NTF3: variants seen among roughly 807,000 people sequenced by gnomAD.
NTF3 encodes the protein neurotrophin-3.
In NTF3, 8 loss-of-function variants were observed where a neutral mutation model predicts 26.3. The ratio of observed to expected loss-of-function variants is 0.30; its 90% CI spans 0.18 to 0.55. The LOEUF is 0.55. Among genes scored for constraint, NTF3 ranks in the 20% least tolerant of loss-of-function variants. NTF3 has a pLI of 0.93. For missense variants in NTF3, 276 were observed against 352.9 expected (o/e 0.78, Z 1.75); for synonymous variants, 154 against 145.5 (o/e 1.06, Z -0.42).
At chr12:5,468,784 C>G (rs76921257) in intron 1 of NTF3, among the ~76,000 whole-genome samples, 2,021 of 152,248 alleles carry the variant, frequency 0.013, 25 homozygotes, top group South Asian at 0.042. Context: ...CCAAGTGGGT[C>G]ATCAACACTC....
intron 1 of NTF3, among the ~76,000 whole-genome samples, chr12:5,493,202 C>G (rs1447046468): frequency 6.6e-6 from 1 of 152,164 alleles, no homozygotes; most frequent in Non-Finnish European, 1.5e-5. Flanking sequence ...TTGAGATCAG[C>G]ACTGTAATTC....
intron 1 of NTF3, among the ~76,000 whole-genome samples, chr12:5,444,087 A>G (rs765362667): frequency 7.9e-5 from 12 of 152,126 alleles, no homozygotes; most frequent in Non-Finnish European, 1.5e-4. Flanking sequence ...TTCCATGTTT[A>G]CATCTTCTTT....
chr12:5,438,528 A>T (rs1002281157), intron 1 of NTF3, among the ~76,000 whole-genome samples: 9 of 152,224 alleles, frequency 5.9e-5, no homozygotes. Flanking sequence ...CTTTTTAGTA[A>T]CATCTCCAGA....
chr12:5,478,058 G>C (rs894500981), intron 1 of NTF3, among the ~76,000 whole-genome samples: 4 of 152,174 alleles, frequency 2.6e-5, no homozygotes, highest in Admixed American at 6.5e-5. Context: ...ACATTTAAAG[G>C]TTTACTGTGC....
intron 1 of NTF3, among the ~76,000 whole-genome samples, chr12:5,468,314 C>T (rs1389138804): frequency 6.6e-6 from 1 of 152,192 alleles, no homozygotes; most frequent in African/African-American, 2.4e-5. Flanking sequence ...TCCTCCAAAT[C>T]AGTATCTTAA....
At chr12:5,474,689 A>G (rs1461327199) in intron 1 of NTF3, among the ~76,000 whole-genome samples, 1 of 152,180 alleles carries the variant, frequency 6.6e-6, no homozygotes, top group Non-Finnish European at 1.5e-5. Context: ...AATGATAGGG[A>G]AGGCTGGGAG....
At chr12:5,482,313 G>A (rs2121237840) in intron 1 of NTF3, among the ~76,000 whole-genome samples, 1 of 152,356 alleles carries the variant, frequency 6.6e-6, no homozygotes, top group African/African-American at 2.4e-5. Flanking sequence ...GGTGGCCAGT[G>A]TGATCACGGC....
In NTF3 at chr12:5,490,904, G is replaced by A. The variant is rs141206443; in HGVS notation, c.19-3290G>A. Among the ~76,000 whole-genome samples, 1,197 of 152,324 alleles carry A rather than the reference G, an allele frequency of 7.9e-3. 8 individuals are homozygous for A. Among genetic ancestry groups the A allele is most frequent in the Non-Finnish European group, 0.014 (926 of 68,030 alleles). On this transcript the variant is annotated intron_variant, in intron 1 of 1. Transcript: ENST00000423158. ...TCTCCAGACTCTGGGTCCCTCGCCC[G>A]TGTGCGTCAAGGGCAGGTGTGCACC... is the stretch of plus-strand genomic sequence containing the variant.
At chr12:5,489,694 T>C (rs1163717804) in intron 1 of NTF3, among the ~76,000 whole-genome samples, 6 of 152,172 alleles carry the variant, frequency 3.9e-5, no homozygotes, top group African/African-American at 1.4e-4. Flanking sequence ...TGCTCCTGTG[T>C]AGGGAAGCTG....
chr12:5,458,566 G>A (rs1940483916), intron 1 of NTF3, among the ~76,000 whole-genome samples: 1 of 152,162 alleles, frequency 6.6e-6, no homozygotes, highest in South Asian at 2.1e-4. Context: ...GAAAACAGAA[G>A]GTGTTTGCCT....
At chr12:5,479,498 A>C (rs1940762086) in intron 1 of NTF3, among the ~76,000 whole-genome samples, 1 of 152,204 alleles carries the variant, frequency 6.6e-6, no homozygotes, top group Non-Finnish European at 1.5e-5. Context: ...CATGTGGTCC[A>C]CCCTGCTGGG....
chr12:5,432,220 C>A lies in NTF3; in HGVS notation c.-105C>A. 7.7e-7 allele frequency: 1 copy of A among 1,291,212 alleles called. No homozygotes were observed. Among genetic ancestry groups the A allele is most frequent in the Non-Finnish European group, 1.1e-6 (1 of 887,930 alleles). 80.0% of individuals were successfully genotyped at this position (1,291,212 alleles called of 1,614,324 possible). ...TTTCTTTCTTCCTCTCCTTTTTCCC[C>A]TGCTGGGTAGTGGCTGCGGCGGGGT... is the stretch of plus-strand genomic sequence containing the variant. On this transcript the variant is annotated 5_prime_UTR_variant, in exon 1 of 2. In the 5' UTR this introduces an upstream ATG that the reference lacks. Coordinates refer to ENST00000423158, the MANE Select transcript of NTF3 (RefSeq NM_001102654.2).
chr12:5,440,693 C>T (rs1330903424), intron 1 of NTF3, among the ~76,000 whole-genome samples: 2 of 152,202 alleles, frequency 1.3e-5, no homozygotes, highest in African/African-American at 4.8e-5. Flanking sequence ...AGCTGTGTGA[C>T]TTTAAGCAAA....
intron 1 of NTF3, among the ~76,000 whole-genome samples, chr12:5,436,041 G>A (rs746442736): frequency 6.6e-6 from 1 of 152,170 alleles, no homozygotes; most frequent in Non-Finnish European, 1.5e-5. Flanking sequence ...ACAAAAGAAG[G>A]GCCGTAGACT....
chr12:5,432,432 G>C, intron 1 of NTF3, 90 bp downstream of exon 1: 1 of 1,442,372 alleles, frequency 6.9e-7, no homozygotes, highest in South Asian at 1.2e-5. Flanking sequence ...GGTGCGGGGG[G>C]CCCCAGATCC....
At chr12:5,475,147 C>T (rs1321321585) in intron 1 of NTF3, among the ~76,000 whole-genome samples, 2 of 152,026 alleles carry the variant, frequency 1.3e-5, no homozygotes, top group Non-Finnish European at 2.9e-5. Flanking sequence ...ACAGTCATAT[C>T]CTCAGATGAG....
At chr12:5,477,774 G>A (rs894458075) in intron 1 of NTF3, among the ~76,000 whole-genome samples, 1 of 152,114 alleles carries the variant, frequency 6.6e-6, no homozygotes, top group African/African-American at 2.4e-5. Context: ...GAAGATTAAT[G>A]TATCACATAT....
chr12:5,456,063 C>T lies in NTF3; in HGVS notation c.18+23721C>T, dbSNP rs1191840861. Among the ~76,000 whole-genome samples, 2 of 152,182 alleles carry T rather than the reference C, an allele frequency of 1.3e-5. No homozygotes were observed. Among genetic ancestry groups the T allele is most frequent in the African/African-American group, 4.8e-5 (2 of 41,436 alleles). On this transcript the variant is annotated intron_variant, in intron 1 of 1. Transcript: ENST00000423158. This position sits in a 1 kb window ranked among gnomAD's most constrained non-coding sequence, Gnocchi z 4.4. Reference sequence around the variant, plus strand: ...ATGTTTGCTTATCTGTGACTTCTTCCTCCAAGCATGTCCGGACCTCCAGTC... The same window carrying T: ...ATGTTTGCTTATCTGTGACTTCTTCTTCCAAGCATGTCCGGACCTCCAGTC...
chr12:5,448,402 C>T (rs1457593076), intron 1 of NTF3, among the ~76,000 whole-genome samples: 1 of 152,032 alleles, frequency 6.6e-6, no homozygotes, highest in Non-Finnish European at 1.5e-5. Context: ...ATTCTTATTG[C>T]CAGTTTGTCT....
Sources: gnomAD v4.1 joint callset for allele counts (sites outside exome capture counted in the v4.1 genomes callset) on GRCh38, gnomAD v4.1.1 for gene constraint, Gnocchi (gnomAD v3.1) non-coding constraint, MANE v1.5 for transcripts, NCBI Gene and HGNC (gene_info 2026-07-23, HGNC 2026-07-21) for gene names.